Variants in SLC35F2 observed in about 807,000 individuals in gnomAD.
SLC35F2 encodes the protein queuine/queuosine transporter SLC35F2.
A neutral mutation model predicts 38.1 loss-of-function variants in SLC35F2; 25 were observed. That is an observed-to-expected ratio of 0.66 (90% confidence interval 0.48 to 0.92). The LOEUF (loss-of-function observed/expected upper bound fraction) is 0.92. Among genes scored for constraint, SLC35F2 ranks in the 40% least tolerant of loss-of-function variants. SLC35F2 has a pLI of 0.00. For missense variants in SLC35F2, 409 were observed against 452.9 expected, an observed-to-expected ratio of 0.90 and a Z score of 0.88; for synonymous variants, 173 against 181.7, an observed-to-expected ratio of 0.95 and a Z score of 0.38.
At chr11:107,840,777 T>C (rs1261527859) in intron 1 of SLC35F2, 2 of 152,166 alleles carry the variant, frequency 1.3e-5, no homozygotes, top group African/African-American at 2.4e-5. Context: ...CCTCTTTTTT[T>C]TCTTTCCTAT....
chr11:107,838,581 T>C (rs991621014), intron 1 of SLC35F2, among the ~76,000 whole-genome samples: 7 of 149,828 alleles, frequency 4.7e-5, no homozygotes, highest in African/African-American at 1.7e-4. Context: ...CATCTCGGCC[T>C]CCCAAAGTGC....
Position 107,849,643 on chromosome 11 carries a change from A to T in SLC35F2, c.110+9015T>A. Among the ~76,000 whole-genome samples the T allele has an allele frequency of 3.2e-5, 3 of 92,422 alleles. No homozygotes were observed. In the South Asian group the frequency reaches 8.7e-4, roughly 27 times the overall value. The allele number at this position is 92,422 out of a possible 152,430, so 60.6% of individuals were successfully genotyped here. A position where few individuals can be genotyped will look rare whatever the true frequency, so the allele number is the denominator to read the frequency against. ...GACAGAGCAAGACTCCGTTTTGGGA[A>T]AAAAAAAAAAAAAAAAAGACAATAG... On this transcript the variant is annotated intron_variant, in intron 1 of 7. Coordinates refer to ENST00000525815, the MANE Select transcript of SLC35F2 (RefSeq NM_017515.5).
At chr11:107,815,063 G>A (rs906631540) in intron 2 of SLC35F2, among the ~76,000 whole-genome samples, 1 of 151,984 alleles carries the variant, frequency 6.6e-6, no homozygotes, top group African/African-American at 2.4e-5. Flanking sequence ...GGGTGACAGA[G>A]TGAGACTCTG....
At chr11:107,857,343 GGGAA>G (rs1226466321) in intron 1 of SLC35F2, among the ~76,000 whole-genome samples, 1 of 137,830 alleles carries the variant, frequency 7.3e-6, no homozygotes, top group South Asian at 2.4e-4. Flanking sequence ...AGGAGAGAGA[GGGAA>G]GGAAGGAAGG....
chr11:107,845,702 C>G (rs1860095171), intron 1 of SLC35F2, among the ~76,000 whole-genome samples: 1 of 151,922 alleles, frequency 6.6e-6, no homozygotes. Context: ...CCTGTAATCC[C>G]AGCACTTTGG....
intron 2 of SLC35F2, among the ~76,000 whole-genome samples, chr11:107,812,280 G>A (rs1399954313): frequency 6.6e-6 from 1 of 152,146 alleles, no homozygotes; most frequent in Non-Finnish European, 1.5e-5. Context: ...GCTCACCAGA[G>A]TTAGATTTTT....
At chr11:107,818,072 A>AGAAG in intron 1 of SLC35F2, among the ~76,000 whole-genome samples, 1 of 68,482 alleles carries the variant, frequency 1.5e-5, no homozygotes, top group East Asian at 4.3e-4. Context: ...AAAAAAAAAA[A>AGAAG]AAAGAAAGAA....
chr11:107,837,617 C>T (rs1466446940), intron 1 of SLC35F2, among the ~76,000 whole-genome samples: 4 of 151,966 alleles, frequency 2.6e-5, no homozygotes, highest in Non-Finnish European at 5.9e-5. Flanking sequence ...TCAGTTGAAC[C>T]TGGGAGGCAG....
At chr11:107,812,385 T>C (rs944000156) in intron 2 of SLC35F2, among the ~76,000 whole-genome samples, 34 of 152,128 alleles carry the variant, frequency 2.2e-4, no homozygotes, top group African/African-American at 8.0e-4. Flanking sequence ...TAAATTCCCT[T>C]TCCCAAATGG....
chr11:107,818,132 G>GAAAGAA (rs1859614357), intron 1 of SLC35F2, among the ~76,000 whole-genome samples: 1 of 141,376 alleles, frequency 7.1e-6, no homozygotes, highest in Non-Finnish European at 1.6e-5. Flanking sequence ...AAGAAAGAAA[G>GAAAGAA]AAAAAGAAAC....
intron 1 of SLC35F2, among the ~76,000 whole-genome samples, chr11:107,828,247 CA>C (rs1336502037): frequency 6.6e-6 from 1 of 151,930 alleles, no homozygotes; most frequent in Non-Finnish European, 1.5e-5. Context: ...CCAGCCTGGC[CA>C]ACATGGTGAA....
chr11:107,850,920 G>C lies in SLC35F2; in HGVS notation c.110+7738C>G, dbSNP rs189931618. 1.3e-3 allele frequency among the ~76,000 whole-genome samples: 200 copies of C among 152,154 alleles called. 1 individual carries two copies. Among genetic ancestry groups the C allele is most frequent in the African/African-American group, 4.7e-3 (196 of 41,520 alleles). On this transcript the variant is annotated intron_variant, in intron 1 of 7. Coordinates refer to ENST00000525815, the MANE Select transcript of SLC35F2 (RefSeq NM_017515.5). ...CCCAGCACTTTGGGAGGTTGAGATGGGTGGATCACCTGAGGTTGGGAATTC... is the reference window on the plus strand; with the variant it reads ...CCCAGCACTTTGGGAGGTTGAGATGCGTGGATCACCTGAGGTTGGGAATTC...
At position 107,811,608 on chromosome 11, in the gene SLC35F2, A is replaced by G. The variant is rs575400993; in HGVS notation, c.414+59T>C. 13 of 1,490,168 alleles carry G rather than the reference A, an allele frequency of 8.7e-6. No individual in the cohort carries two copies. The African/African-American group carries it at 1.1e-4, about 13-fold the overall frequency. The allele number at this position is 1,490,168 out of a possible 1,614,324, so 92.3% of individuals were successfully genotyped here. A position where few individuals can be genotyped will look rare whatever the true frequency, so the allele number is the denominator to read the frequency against. On this transcript the variant is annotated intron_variant, in intron 3 of 7. Coordinates refer to ENST00000525815, the MANE Select transcript of SLC35F2 (RefSeq NM_017515.5). ...CAATAAAATTAGGTCAACACATATG[A>G]CTTCGTGTTCTTCTTTTGAAGCTAT...
intron 2 of SLC35F2, among the ~76,000 whole-genome samples, chr11:107,814,532 C>T (rs533107287): frequency 9.0e-4 from 136 of 151,470 alleles, no homozygotes; most frequent in Middle Eastern, 3.5e-3. Flanking sequence ...ATAGGTGGAG[C>T]AGAGGGATTT....
In SLC35F2 at chr11:107,792,766, A is replaced by G. The variant is rs1254635290; in HGVS notation, c.974T>C (p.Ile325Thr). ...SGLYILSFTV[I>T]MVGFILYCST... ...GCAGTACAGGATAAACCCCACCATG[A>G]TGACAGTGAAGGACAGGATGTAGAG... Residue 325 changes from isoleucine (I) to threonine (T), a missense_variant, in exon 8 of 8, where the codon ATC becomes ACC. Coordinates refer to ENST00000525815, the MANE Select transcript of SLC35F2 (RefSeq NM_017515.5). 3 of 1,603,264 alleles carry G rather than the reference A, an allele frequency of 1.9e-6. No homozygotes were observed. The highest frequency in any genetic ancestry group is 3.4e-5 in the Admixed American group (2 of 58,268).
intron 1 of SLC35F2, among the ~76,000 whole-genome samples, chr11:107,824,846 T>C (rs551152626): frequency 6.6e-5 from 10 of 152,254 alleles, no homozygotes; most frequent in Non-Finnish European, 1.0e-4. Flanking sequence ...CACCATCCAA[T>C]AGAGTAGCCT....
At chr11:107,793,197 C>A (rs528797475) in intron 7 of SLC35F2, among the ~76,000 whole-genome samples, 1 of 152,226 alleles carries the variant, frequency 6.6e-6, no homozygotes, top group African/African-American at 2.4e-5. Context: ...GGATTACAGG[C>A]GTGGGCCGCC....
chr11:107,856,486 G>C (rs1189542294), intron 1 of SLC35F2, among the ~76,000 whole-genome samples: 1 of 152,180 alleles, frequency 6.6e-6, no homozygotes, highest in Non-Finnish European at 1.5e-5. Context: ...CTTGAGGTCA[G>C]GAGTTCAAGA....
At chr11:107,835,390 A>T (rs1859914781) in intron 1 of SLC35F2, among the ~76,000 whole-genome samples, 1 of 152,072 alleles carries the variant, frequency 6.6e-6, no homozygotes, top group African/African-American at 2.4e-5. Context: ...TGCTTAGTGG[A>T]AATAGTCCGA....
Sources: allele counts gnomAD v4.1 joint callset (sites outside exome capture counted in the v4.1 genomes callset), GRCh38; gene constraint gnomAD v4.1.1; transcripts MANE v1.5; gene names NCBI Gene and HGNC (gene_info 2026-07-23, HGNC 2026-07-21).